ANK3: variants seen among roughly 807,000 people sequenced by gnomAD.
The protein encoded by ANK3 is ankyrin 3, also known as ankyrin-3.
Under a neutral mutation model 370.9 loss-of-function variants are expected in ANK3, and 57 were observed. The observed-to-expected ratio is 0.15, with a 90% CI of 0.12 to 0.19. The LOEUF is 0.19. Among genes scored for constraint, ANK3 ranks in the 10% least tolerant of loss-of-function variants. The probability of loss-of-function intolerance (pLI) is 1.00; values close to 1 mark genes in which losing one functional copy is unlikely to be tolerated. For missense variants in ANK3, 4,439 were observed against 5,302.1 expected, an observed-to-expected ratio of 0.84 and a Z score of 5.06; for synonymous variants, 1,929 against 1,946.3, an observed-to-expected ratio of 0.99 and a Z score of 0.23.
At chr10:60,575,086 G>T (rs1202591601) in intron 2 of ANK3, among the ~76,000 whole-genome samples, 1 of 152,112 alleles carries the variant, frequency 6.6e-6, no homozygotes, top group Non-Finnish European at 1.5e-5. Flanking sequence ...GATATGTCTG[G>T]CCAAGGGCAT....
chr10:60,667,222 T>G (rs1176414801), intron 1 of ANK3, among the ~76,000 whole-genome samples: 2 of 87,948 alleles, frequency 2.3e-5, no homozygotes, highest in African/African-American at 5.1e-5. Flanking sequence ...ATTATATTAA[T>G]TATATTGAAT....
At chr10:60,636,522 A>G (rs1166904988) in intron 1 of ANK3, among the ~76,000 whole-genome samples, 1 of 152,242 alleles carries the variant, frequency 6.6e-6, no homozygotes, top group Non-Finnish European at 1.5e-5. Flanking sequence ...TAAGGCAGAC[A>G]GCTAAGATGA....
intron 2 of ANK3, among the ~76,000 whole-genome samples, chr10:60,437,854 G>C (rs2064197115): frequency 6.6e-6 from 1 of 152,202 alleles, no homozygotes; most frequent in Non-Finnish European, 1.5e-5. Context: ...CTCACAGAAA[G>C]TGAGACTTGA....
At chr10:60,259,496 T>C (rs974543153) in intron 7 of ANK3, among the ~76,000 whole-genome samples, 3 of 152,226 alleles carry the variant, frequency 2.0e-5, no homozygotes, top group African/African-American at 4.8e-5. Context: ...AAATCATATA[T>C]GGTAACTCAG....
chr10:60,588,172 A>G (rs987672218), intron 2 of ANK3, among the ~76,000 whole-genome samples: 1 of 147,170 alleles, frequency 6.8e-6, no homozygotes, highest in Non-Finnish European at 1.5e-5. Context: ...TATTATTATT[A>G]TTATTATTAT....
At chr10:60,052,268 C>T (rs2078207187) in intron 42 of ANK3, among the ~76,000 whole-genome samples, 1 of 152,070 alleles carries the variant, frequency 6.6e-6, no homozygotes, top group Non-Finnish European at 1.5e-5. Context: ...GCAGAGGTTG[C>T]AGTGAGCTGA....
Position 60,059,886 on chromosome 10 carries a change from G to A in ANK3, c.12596-456C>T, listed in dbSNP as rs773324526. The A allele has an allele frequency of 2.5e-6, 4 of 1,614,224 alleles. No individual in the cohort carries two copies. The South Asian group carries it at 3.3e-5, about 13-fold the overall frequency. ...TAGCCCATCACTCAGTCTACTAGGGGTTCTAAGGGGAGATTCTATGCTAGA... is the reference window on the plus strand; with the variant it reads ...TAGCCCATCACTCAGTCTACTAGGGATTCTAAGGGGAGATTCTATGCTAGA... On this transcript the variant is annotated intron_variant, in intron 40 of 43. Transcript: ENST00000280772.
intron 2 of ANK3, among the ~76,000 whole-genome samples, chr10:60,425,678 C>G (rs567402322): frequency 6.6e-6 from 1 of 152,136 alleles, no homozygotes; most frequent in Admixed American, 6.5e-5. Context: ...AAATACATAG[C>G]AAATAGATCA....
chr10:60,488,407 T>G (rs2075404928), intron 2 of ANK3, among the ~76,000 whole-genome samples: 1 of 152,230 alleles, frequency 6.6e-6, no homozygotes, highest in African/African-American at 2.4e-5. Flanking sequence ...TGTAATCATT[T>G]TATTGAGATG....
At chr10:60,345,132 C>T (rs140712557) in intron 1 of ANK3, among the ~76,000 whole-genome samples, 256 of 152,244 alleles carry the variant, frequency 1.7e-3, no homozygotes, top group Non-Finnish European at 2.8e-3. Context: ...TGTACCTATG[C>T]CTCAACTGAG....
chr10:60,144,776 C>T (rs1194043515), intron 23 of ANK3, among the ~76,000 whole-genome samples: 1 of 152,050 alleles, frequency 6.6e-6, no homozygotes, highest in African/African-American at 2.4e-5. Flanking sequence ...AATAGGTGTG[C>T]CCTCATTCCT....
chr10:60,537,755 A>AT (rs1231925918), intron 2 of ANK3, among the ~76,000 whole-genome samples: 5 of 151,948 alleles, frequency 3.3e-5, no homozygotes, highest in African/African-American at 1.2e-4. Context: ...TTCATATTTG[A>AT]TTTTCAAAAA....
At chr10:60,111,047 A>G (rs1407930883) in intron 26 of ANK3, among the ~76,000 whole-genome samples, 1 of 152,198 alleles carries the variant, frequency 6.6e-6, no homozygotes, top group Admixed American at 6.5e-5. Context: ...TACTGAATGA[A>G]CCAATGAATA....
intron 28 of ANK3, among the ~76,000 whole-genome samples, chr10:60,089,767 A>G (rs1164159743): frequency 2.0e-5 from 3 of 152,146 alleles, no homozygotes; most frequent in African/African-American, 4.8e-5. Flanking sequence ...GGACAATAAT[A>G]GAGAATCAAG....
chr10:60,345,021 T>C (rs553633358), intron 1 of ANK3, among the ~76,000 whole-genome samples: 8 of 152,170 alleles, frequency 5.3e-5, no homozygotes, highest in Non-Finnish European at 1.2e-4. Context: ...GGTTTGCTAG[T>C]AAATGTCCTT....
At chr10:60,490,278 C>T (rs2075459528) in intron 2 of ANK3, among the ~76,000 whole-genome samples, 1 of 152,218 alleles carries the variant, frequency 6.6e-6, no homozygotes. Flanking sequence ...TTGGCACATT[C>T]TCAGGGTCTT....
At chr10:60,564,207 T>C (rs1302515852) in intron 2 of ANK3, among the ~76,000 whole-genome samples, 1 of 152,180 alleles carries the variant, frequency 6.6e-6, no homozygotes, top group Non-Finnish European at 1.5e-5. Flanking sequence ...GAAAACATTT[T>C]TTAAAAAATT....
rs563946588 is a variant in ANK3 at position 60,036,422 on chromosome 10, A to ATTTTTTTTTTTTTT, written c.*19+6236_*19+6249dup. ...CTGCGGAAGAGAGAGGTCAGAGGCA[A>ATTTTTTTTTTTTTT]TTTTTTTTTTTTTTTTTTTTTTTTT... On this transcript the variant is annotated intron_variant, in intron 43 of 43. Coordinates refer to ENST00000280772, the MANE Select transcript of ANK3 (RefSeq NM_020987.5). Among the ~76,000 whole-genome samples the ATTTTTTTTTTTTTT allele has an allele frequency of 1.7e-3, 120 of 72,284 alleles. 29 individuals are homozygous for ATTTTTTTTTTTTTT. The highest frequency in any genetic ancestry group is 7.1e-3 in the African/African-American group (101 of 14,238). 47.4% of individuals were successfully genotyped at this position (72,284 alleles called of 152,430 possible).
chr10:60,490,519 C>A (rs2075468856), intron 2 of ANK3, among the ~76,000 whole-genome samples: 1 of 152,186 alleles, frequency 6.6e-6, no homozygotes, highest in Non-Finnish European at 1.5e-5. Flanking sequence ...TCATGACCAA[C>A]CAGCCATTAT....
Sources: gnomAD v4.1 joint callset for allele counts (sites outside exome capture counted in the v4.1 genomes callset) on GRCh38, gnomAD v4.1.1 for gene constraint, MANE v1.5 for transcripts, NCBI Gene and HGNC (gene_info 2026-07-23, HGNC 2026-07-21) for gene names.